SDK2: variants seen among roughly 807,000 people sequenced by gnomAD.
SDK2 encodes sidekick cell adhesion molecule 2.
SDK2 carries 105 observed loss-of-function variants against 253.9 expected under a neutral mutation model. That is an observed-to-expected ratio of 0.41 (90% CI 0.35 to 0.49). SDK2 has a LOEUF of 0.49. Among genes scored for constraint, SDK2 ranks in the 20% least tolerant of loss-of-function variants. The pLI is 0.06. For missense variants in SDK2, 2,608 were observed against 3,003.0 expected, an observed-to-expected ratio of 0.87 and a Z score of 3.07; for synonymous variants, 1,249 against 1,234.9, an observed-to-expected ratio of 1.01 and a Z score of -0.24.
intron 1 of SDK2, among the ~76,000 whole-genome samples, chr17:73,593,917 T>G (rs2045718996): frequency 6.6e-6 from 1 of 152,170 alleles, no homozygotes; most frequent in African/African-American, 2.4e-5. Context: ...TGTTGGACAA[T>G]TTGGTTGCAT....
intron 1 of SDK2, among the ~76,000 whole-genome samples, chr17:73,566,446 T>G (rs2045314407): frequency 6.6e-6 from 1 of 151,902 alleles, no homozygotes; most frequent in Admixed American, 6.6e-5. Flanking sequence ...TAAAGATACT[T>G]GAAAATGTTG....
At chr17:73,592,600 C>A (rs754321506) in intron 1 of SDK2, among the ~76,000 whole-genome samples, 1 of 152,142 alleles carries the variant, frequency 6.6e-6, no homozygotes, top group Non-Finnish European at 1.5e-5. Flanking sequence ...CTAACCGGGG[C>A]ACACCAGGAG....
At chr17:73,478,591 G>C (rs139690238) in intron 2 of SDK2, among the ~76,000 whole-genome samples, 300 of 152,320 alleles carry the variant, frequency 2.0e-3, no homozygotes, top group Middle Eastern at 0.017. Context: ...ACAACAGTGG[G>C]AGGAAGAGCC....
chr17:73,350,586 C>T, intron 42 of SDK2, 64 bp downstream of exon 42: 2 of 1,556,020 alleles, frequency 1.3e-6, no homozygotes, highest in Non-Finnish European at 1.7e-6. Context: ...CACCCCTGTT[C>T]TGGCCAAAAA....
chr17:73,388,025 G>C lies in SDK2; in HGVS notation c.4205C>G (p.Pro1402Arg), dbSNP rs2145489198. ...CTGCTGCACCATCGGCCTGCTGGGG[G>C]GCTGCGGACGGTCTGGGAGGTGGCA... ...VTTEKRDRPQ[P>R]PSRPMVQQED... The change falls in exon 30 of 45, where the codon CCC becomes CGC. Residue 1402 changes from proline to arginine, a missense_variant. Transcript: ENST00000392650. The C allele has an allele frequency of 1.3e-6, 2 of 1,566,060 alleles. No homozygotes were observed. Among genetic ancestry groups the C allele is most frequent in the South Asian group, 2.4e-5 (2 of 85,102 alleles).
chr17:73,604,207 A>G (rs1053050887), intron 1 of SDK2, among the ~76,000 whole-genome samples: 25 of 152,264 alleles, frequency 1.6e-4, no homozygotes, highest in Non-Finnish European at 5.9e-5. Context: ...TTGAGCGAAC[A>G]GAGCCCCATT....
intron 1 of SDK2, among the ~76,000 whole-genome samples, chr17:73,624,198 A>C (rs2046171981): frequency 6.6e-6 from 1 of 152,250 alleles, no homozygotes; most frequent in African/African-American, 2.4e-5. Context: ...TAGAACTGAT[A>C]GTTCATATTT....
Position 73,446,726 on chromosome 17 carries a change from G to A in SDK2, c.613+889C>T, listed in dbSNP as rs563119607. Among the ~76,000 whole-genome samples the A allele has an allele frequency of 1.5e-4, 23 of 152,288 alleles. No homozygotes were observed. The South Asian group carries it at 4.6e-3, about 30-fold the overall frequency. ...CAGGAGTTGTACAGATGTGGAGGGA[G>A]GTGAACATCTGCCTCCCCCAGCTTG... On this transcript the variant is annotated intron_variant, in intron 5 of 44. Transcript: ENST00000392650.
rs140935268 is a variant in SDK2 at position 73,364,410 on chromosome 17, C to T, written c.5305+848G>A. On this transcript the variant is annotated intron_variant, in intron 38 of 44. Transcript: ENST00000392650. Reference sequence around the variant, plus strand: ...AGAGCAGGGCTCTTGATCTGGGGTCCGCAGATAGCAGTGGGGGGTGCAGGG... The same window carrying T: ...AGAGCAGGGCTCTTGATCTGGGGTCTGCAGATAGCAGTGGGGGGTGCAGGG... Among the ~76,000 whole-genome samples, 120 of 152,118 alleles carry T rather than the reference C, an allele frequency of 7.9e-4. No individual in the cohort carries two copies. In the Middle Eastern group the frequency reaches 0.01, roughly 13 times the overall value.
intron 5 of SDK2, among the ~76,000 whole-genome samples, chr17:73,444,404 AATCACAGGT>A (rs2063437072): frequency 6.6e-6 from 1 of 152,180 alleles, no homozygotes. Context: ...AGACCATGAA[AATCACAGGT>A]GAGCCCGAGC....
At chr17:73,562,662 G>T (rs2045254747) in intron 1 of SDK2, among the ~76,000 whole-genome samples, 1 of 152,134 alleles carries the variant, frequency 6.6e-6, no homozygotes, top group South Asian at 2.1e-4. Context: ...AGATGAGGAT[G>T]AGACCTGGGG....
intron 18 of SDK2, among the ~76,000 whole-genome samples, chr17:73,410,546 G>C (rs2063117125): frequency 6.6e-6 from 1 of 152,136 alleles, no homozygotes; most frequent in South Asian, 2.1e-4. Context: ...TCAAACTCTC[G>C]ACCTCAAGTG....
At chr17:73,615,895 A>G (rs542850984) in intron 1 of SDK2, among the ~76,000 whole-genome samples, 1 of 152,356 alleles carries the variant, frequency 6.6e-6, no homozygotes, top group South Asian at 2.1e-4. Context: ...ATTCACACAT[A>G]CATATATGTA....
intron 1 of SDK2, among the ~76,000 whole-genome samples, chr17:73,545,398 C>T (rs1258040102): frequency 6.6e-6 from 1 of 152,054 alleles, no homozygotes; most frequent in Non-Finnish European, 1.5e-5. Context: ...AGACTTTCTT[C>T]CTAAATAAAT....
intron 1 of SDK2, among the ~76,000 whole-genome samples, chr17:73,588,519 G>A (rs1039363691): frequency 2.6e-5 from 4 of 152,048 alleles, no homozygotes; most frequent in African/African-American, 9.7e-5. Flanking sequence ...TGATTCTGAT[G>A]CACAGTGAAG....
intron 1 of SDK2, among the ~76,000 whole-genome samples, chr17:73,588,070 C>CA (rs2045626358): frequency 1.3e-5 from 2 of 152,050 alleles, no homozygotes; most frequent in African/African-American, 2.4e-5. Flanking sequence ...CACCTGGAAG[C>CA]TTGTAAGAAA....
In SDK2 at chr17:73,352,579, C is replaced by G. The variant is rs150849724; in HGVS notation, c.5652G>C (p.Thr1884=). 1 of 1,614,038 alleles carries G rather than the reference C, an allele frequency of 6.2e-7. No individual in the cohort carries two copies. The highest frequency in any genetic ancestry group is 8.5e-7 in the Non-Finnish European group (1 of 1,179,886). ...KDIPKEVSSY[T]FSMDILKPGV... ...CCGGCTTCAGGATGTCCATGCTGAA[C>G]GTGTAGGAGCTCACCTCCTTGGGGA... Residue 1884 remains threonine (T), a synonymous_variant, in exon 41 of 45, where the codon ACG becomes ACC. Transcript: ENST00000392650. The surrounding 1 kb of genome is among the most constrained non-coding windows in gnomAD (Gnocchi z 4.1).
intron 4 of SDK2, among the ~76,000 whole-genome samples, chr17:73,451,271 C>T (rs2063488085): frequency 6.6e-6 from 1 of 152,170 alleles, no homozygotes; most frequent in African/African-American, 2.4e-5. Context: ...GTTTGGGAGG[C>T]TGAGGCAGGT....
chr17:73,424,382 T>C (rs1475065098), intron 12 of SDK2, among the ~76,000 whole-genome samples: 1 of 152,190 alleles, frequency 6.6e-6, no homozygotes, highest in Non-Finnish European at 1.5e-5. Context: ...TTGTTGCTTC[T>C]GGCCAGAAGC....
Sources: gnomAD v4.1 joint callset for allele counts (sites outside exome capture counted in the v4.1 genomes callset) on GRCh38, gnomAD v4.1.1 for gene constraint, Gnocchi (gnomAD v3.1) non-coding constraint, MANE v1.5 for transcripts, NCBI Gene and HGNC (gene_info 2026-07-23, HGNC 2026-07-21) for gene names.